LBR: variants seen among roughly 807,000 people sequenced by gnomAD.
LBR encodes the protein lamin B receptor, also known as delta(14)-sterol reductase LBR.
LBR carries 28 observed loss-of-function variants against 74.3 expected under a neutral mutation model. The observed-to-expected ratio is 0.38, with a 90% CI of 0.28 to 0.52. The LOEUF (loss-of-function observed/expected upper bound fraction) is 0.52. Among genes scored for constraint, LBR ranks in the 20% least tolerant of loss-of-function variants. LBR has a pLI of 0.89. For missense variants in LBR, 717 were observed against 760.3 expected (o/e 0.94, Z 0.67); for synonymous variants, 228 against 269.3 (o/e 0.85, Z 1.50).
At chr1:225,423,045 A>G (rs2096130957) in intron 2 of LBR, among the ~76,000 whole-genome samples, 2 of 152,164 alleles carry the variant, frequency 1.3e-5, no homozygotes, top group African/African-American at 2.4e-5. Flanking sequence ...GGTCTAGAGC[A>G]CTCGAAGTGT....
rs762972119 is a variant in LBR, at chr1:225,422,260, C to T, written c.183G>A (p.Arg61=). 8 of 1,613,376 alleles carry T rather than the reference C, an allele frequency of 5.0e-6. 1 individual carries two copies. The South Asian group carries it at 8.8e-5, about 18-fold the overall frequency. The part of the protein sequence containing the change: ...ENDIKPLTSF[R]QRKGGSTSSS... The stretch of plus-strand genomic sequence containing the variant: ...TGGAAGTTGAGCCACCTTTCCTTTG[C>T]CTAAAGGAAGTTAAAGGCTAGAAAG... Residue 61 remains arginine, a synonymous_variant, in exon 3 of 14, where the codon AGG becomes AGA. Coordinates refer to ENST00000272163, the MANE Select transcript of LBR (RefSeq NM_002296.4).
At chr1:225,419,643 CAAG>C in intron 4 of LBR, 69 bp downstream of exon 4, 10 of 1,156,832 alleles carry the variant, frequency 8.6e-6, no homozygotes, top group Non-Finnish European at 1.2e-5. Context: ...ATGTGCTTCT[CAAG>C]GGAGAGTCAC....
chr1:225,403,851 G>A (rs1051327374), intron 13 of LBR, among the ~76,000 whole-genome samples: 2 of 147,766 alleles, frequency 1.4e-5, no homozygotes, highest in Non-Finnish European at 3.0e-5. Context: ...AGCTCCCCTG[G>A]ATCCCCCTGC....
At position 225,406,620 on chromosome 1, in the gene LBR, C is replaced by T. The variant is rs373395141; in HGVS notation, c.1483+44G>A. On this transcript the variant is annotated intron_variant, in intron 11 of 13. Transcript: ENST00000272163. ...ACAGCAGGGCATAAAAGCCTCAGTACATAATATTTAATAAATTAAACTGAG... is the reference window on the plus strand; with the variant it reads ...ACAGCAGGGCATAAAAGCCTCAGTATATAATATTTAATAAATTAAACTGAG... The T allele has an allele frequency of 2.9e-5, 44 of 1,536,752 alleles. No homozygotes were observed. In the African/African-American group the frequency reaches 4.1e-4, roughly 14 times the overall value.
chr1:225,409,549 G>A (rs1006955838), intron 10 of LBR, among the ~76,000 whole-genome samples: 14 of 152,140 alleles, frequency 9.2e-5, no homozygotes, highest in Admixed American at 5.2e-4. Flanking sequence ...ACTAAAACTT[G>A]TTTTGGAACA....
At chr1:225,422,697 T>C (rs1467826795) in intron 2 of LBR, among the ~76,000 whole-genome samples, 1 of 149,830 alleles carries the variant, frequency 6.7e-6, no homozygotes, top group Non-Finnish European at 1.5e-5. Context: ...ATCTTGAAAA[T>C]AAAACATGAG....
chr1:225,421,379 G>A (rs1327638031), intron 3 of LBR, among the ~76,000 whole-genome samples: 1 of 152,178 alleles, frequency 6.6e-6, no homozygotes, highest in African/African-American at 2.4e-5. Context: ...TGTAGTCCCA[G>A]CTACTCGGTA....
rs6666171 is a variant in LBR at position 225,415,121 on chromosome 1, A to T, written c.892+157T>A. On this transcript the variant is annotated intron_variant, in intron 7 of 13. Coordinates refer to ENST00000272163, the MANE Select transcript of LBR (RefSeq NM_002296.4). ...CTATGTTACTTTAATGGCATAATTT[A>T]TACAAGTTGGCTACAGGTATAAACA... Among the ~76,000 whole-genome samples the T allele has an allele frequency of 0.097, 14,845 of 152,306 alleles. 842 individuals are homozygous for T. Among genetic ancestry groups the T allele is most frequent in the South Asian group, 0.14 (652 of 4,826 alleles).
intron 11 of LBR, 124 bp from the exon 12 acceptor site, chr1:225,404,830 G>T: frequency 1.3e-6 from 1 of 743,466 alleles, no homozygotes; most frequent in Non-Finnish European, 2.2e-6. Context: ...AGACTCCTAG[G>T]CTCAAGAGAT....
intron 13 of LBR, 127 bp downstream of exon 13, chr1:225,404,277 T>A: frequency 7.7e-7 from 1 of 1,296,878 alleles, no homozygotes; most frequent in South Asian, 1.2e-5. Context: ...GAGGCCAACC[T>A]CACAGTAGAA....
intron 3 of LBR, among the ~76,000 whole-genome samples, chr1:225,420,732 T>C (rs898044969): frequency 1.4e-5 from 2 of 147,974 alleles, no homozygotes; most frequent in Admixed American, 6.7e-5. Flanking sequence ...TAATTCAAAA[T>C]ATAAGTTAGA....
chr1:225,408,762 C>A (rs896884131), intron 10 of LBR, among the ~76,000 whole-genome samples: 1 of 152,236 alleles, frequency 6.6e-6, no homozygotes, highest in African/African-American at 2.4e-5. Context: ...ACCCCTGGGG[C>A]TATGTTAATA....
chr1:225,409,359 T>C (rs918256629), intron 10 of LBR, among the ~76,000 whole-genome samples: 1 of 152,224 alleles, frequency 6.6e-6, no homozygotes, highest in African/African-American at 2.4e-5. Flanking sequence ...ACTTGCGAAG[T>C]TGTTCTGACT....
intron 6 of LBR, among the ~76,000 whole-genome samples, chr1:225,416,397 A>G (rs551681964): frequency 6.6e-6 from 1 of 152,362 alleles, no homozygotes; most frequent in South Asian, 2.1e-4. Flanking sequence ...ATAACTATTC[A>G]GAAATGTAGC....
intron 1 of LBR, 40 bp from the exon 2 acceptor site, chr1:225,424,129 C>T: frequency 7.2e-7 from 1 of 1,395,386 alleles, no homozygotes; most frequent in South Asian, 1.2e-5. Context: ...TCAATACATA[C>T]ACATTTATGT....
chr1:225,423,160 C>T (rs544429131), intron 2 of LBR, among the ~76,000 whole-genome samples: 1 of 152,270 alleles, frequency 6.6e-6, no homozygotes, highest in Non-Finnish European at 1.5e-5. Context: ...ACAAAGTAAT[C>T]TCATATCTAT....
At chr1:225,406,492 C>T in intron 11 of LBR, 172 bp downstream of exon 11, 1 of 596,292 alleles carries the variant, frequency 1.7e-6, no homozygotes, top group Non-Finnish European at 3.0e-6. Context: ...AAGTACGAAC[C>T]ATCCATTCTC....
chr1:225,415,515 C>A (rs539311775), intron 6 of LBR, among the ~76,000 whole-genome samples, 183 bp from the exon 7 acceptor site: 1 of 152,102 alleles, frequency 6.6e-6, no homozygotes, highest in Non-Finnish European at 1.5e-5. Flanking sequence ...CCTTTAATGA[C>A]GCAATTCCAC....
rs778289657 is a variant in LBR, at chr1:225,423,970, G to A, written c.106C>T (p.Leu36Phe). The A allele has an allele frequency of 1.2e-6, 2 of 1,613,768 alleles. No homozygotes were observed. Among genetic ancestry groups the A allele is most frequent in the Middle Eastern group, 1.6e-4 (1 of 6,062 alleles). Residue 36 changes from leucine to phenylalanine, a missense_variant, in exon 2 of 14, where the codon CTT (leucine) becomes TTT (phenylalanine). Coordinates refer to ENST00000272163, the MANE Select transcript of LBR (RefSeq NM_002296.4). Reference protein sequence around the residue: ...EILSHDSTSQLYTVKYKDGTE... With the variant: ...EILSHDSTSQFYTVKYKDGTE... ...CCATCTTTATACTTCACAGTGTAAA[G>A]CTGGGAGGTGCTGTCGTGGCTCAGA...
Sources: gnomAD v4.1 joint callset for allele counts (sites outside exome capture counted in the v4.1 genomes callset) on GRCh38, gnomAD v4.1.1 for gene constraint, MANE v1.5 for transcripts, NCBI Gene and HGNC (gene_info 2026-07-23, HGNC 2026-07-21) for gene names.